Variants in HAAO observed in about 807,000 individuals in gnomAD.
HAAO encodes the protein 3-hydroxyanthranilate 3,4-dioxygenase, also known as 3-hydroxyanthranilate oxygenase.
Under a neutral mutation model 46.2 loss-of-function variants are expected in HAAO, and 49 were observed. That is an observed-to-expected ratio of 1.06 (90% CI 0.84 to 1.34). The LOEUF is 1.34. Ranked by LOEUF, HAAO falls within the 40% of genes most tolerant of loss-of-function variation. The probability of loss-of-function intolerance (pLI) is 0.00; values close to 1 mark genes in which losing one functional copy is unlikely to be tolerated. For synonymous variants in HAAO, 157 were observed against 145.2 expected, an observed-to-expected ratio of 1.08 and a Z score of -0.58; for missense variants, 408 against 364.5, an observed-to-expected ratio of 1.12 and a Z score of -0.97.
chr2:42,784,620 AGAG>A (rs1348187278), intron 2 of HAAO, among the ~76,000 whole-genome samples: 3 of 151,876 alleles, frequency 2.0e-5, no homozygotes, highest in Non-Finnish European at 4.4e-5. Context: ...ACTGGGAGGA[AGAG>A]GAGGAGGCAG....
At chr2:42,776,826 G>T (rs1236863371) in intron 4 of HAAO, among the ~76,000 whole-genome samples, 2 of 149,794 alleles carry the variant, frequency 1.3e-5, no homozygotes, top group Admixed American at 1.3e-4. Context: ...TAGAGACGGG[G>T]TTTCACTATC....
intron 4 of HAAO, 54 bp from the exon 5 acceptor site, chr2:42,770,636 G>T: frequency 8.4e-7 from 1 of 1,189,070 alleles, no homozygotes; most frequent in Non-Finnish European, 1.2e-6. Flanking sequence ...TGGCTTCAGG[G>T]CAGCCCCACT....
intron 4 of HAAO, among the ~76,000 whole-genome samples, chr2:42,773,546 G>A (rs1397647657): frequency 6.6e-6 from 1 of 150,590 alleles, no homozygotes; most frequent in Non-Finnish European, 1.5e-5. Context: ...TAAGGGAAAT[G>A]TCAAGCTGAG....
At chr2:42,767,791 C>G in intron 8 of HAAO, 69 bp downstream of exon 8, 1 of 1,575,824 alleles carries the variant, frequency 6.3e-7, no homozygotes, top group Non-Finnish European at 8.7e-7. Context: ...TGTGGGAGCC[C>G]AGGGCCGAGG....
At chr2:42,767,814 C>G (rs773785112) in intron 8 of HAAO, 46 bp downstream of exon 8, 1 of 1,593,868 alleles carries the variant, frequency 6.3e-7, no homozygotes, top group East Asian at 2.2e-5. Flanking sequence ...CGGGCTGATG[C>G]CCTCTGGCAG....
chr2:42,784,169 C>T (rs1242826385), intron 2 of HAAO, among the ~76,000 whole-genome samples: 2 of 152,292 alleles, frequency 1.3e-5, no homozygotes, highest in East Asian at 3.9e-4. Context: ...ACTGAATGAC[C>T]CAGCAGTCAG....
chr2:42,777,300 T>C, intron 4 of HAAO, among the ~76,000 whole-genome samples: 1 of 79,094 alleles, frequency 1.3e-5, no homozygotes, highest in East Asian at 3.0e-4. Flanking sequence ...AAGACTCTTA[T>C]CGCAAAAAAA....
Position 42,770,494 on chromosome 2 carries a change from C to A in HAAO, c.439G>T (p.Glu147Ter). 1 of 1,547,758 alleles carries A rather than the reference C, an allele frequency of 6.5e-7. No homozygotes were observed. The highest frequency in any genetic ancestry group is 8.7e-7 in the Non-Finnish European group (1 of 1,144,120). Reference sequence around the variant, plus strand: ...GCAGGGGCTGGGCTGGGGGCTCACTCCTGGATGATGGGGGCCAACTGCGTG... The same window carrying A: ...GCAGGGGCTGGGCTGGGGGCTCACTACTGGATGATGGGGGCCAACTGCGTG... ...LGTQLAPIIQ[E>*]FFSSEQYRTG... is the part of the protein sequence containing the mutation. The change falls in exon 5 of 10, where the codon GAG (glutamate) becomes TAG (stop). Residue 147 changes from glutamate to a stop codon, truncating the protein, a stop_gained and splice_region_variant. Coordinates refer to ENST00000294973, the MANE Select transcript of HAAO (RefSeq NM_012205.3). LOFTEE classifies it high-confidence loss of function.
intron 7 of HAAO, 119 bp downstream of exon 7, chr2:42,769,594 T>TGA: frequency 3.0e-6 from 2 of 673,902 alleles, no homozygotes; most frequent in African/African-American, 2.6e-5. Context: ...TGTGTGTGTG[T>TGA]GTGTGTGTGT....
intron 4 of HAAO, among the ~76,000 whole-genome samples, chr2:42,774,717 T>C (rs1399207700): frequency 6.6e-6 from 1 of 152,186 alleles, no homozygotes; most frequent in Non-Finnish European, 1.5e-5. Flanking sequence ...CAGGTGCTCT[T>C]AATTTCTCCT....
chr2:42,775,165 T>A (rs534941766), intron 4 of HAAO, among the ~76,000 whole-genome samples: 2 of 148,308 alleles, frequency 1.3e-5, no homozygotes, highest in East Asian at 4.0e-4. Flanking sequence ...GAGAATTGCT[T>A]GAACCCAGGA....
chr2:42,773,850 G>A (rs868328095), intron 4 of HAAO, among the ~76,000 whole-genome samples: 2 of 152,054 alleles, frequency 1.3e-5, no homozygotes, highest in Middle Eastern at 3.2e-3. Flanking sequence ...TCGGCCTCCC[G>A]AAGTGCTGGG....
At chr2:42,778,921 T>C (rs1012667896) in intron 4 of HAAO, among the ~76,000 whole-genome samples, 2 of 152,012 alleles carry the variant, frequency 1.3e-5, no homozygotes, top group Non-Finnish European at 2.9e-5. Context: ...CGAGACCAGC[T>C]TGACTAACAT....
At position 42,767,264 on chromosome 2, in the gene HAAO, C is replaced by T; in HGVS notation, c.*173G>A. ...TGGGGAGCTGCTGCCCGCCCAGGGG[C>T]ATGGCATCTGGGCTGAGAAGGGCAG... On this transcript the variant is annotated 3_prime_UTR_variant, in exon 10 of 10. Transcript: ENST00000294973. The T allele has an allele frequency of 1.6e-6, 1 of 629,272 alleles. No homozygotes were observed. Among genetic ancestry groups the T allele is most frequent in the South Asian group, 1.8e-5 (1 of 55,928 alleles). 39.0% of individuals were successfully genotyped at this position (629,272 alleles called of 1,614,324 possible).
chr2:42,773,476 C>T (rs1671302419), intron 4 of HAAO, among the ~76,000 whole-genome samples: 1 of 152,062 alleles, frequency 6.6e-6, no homozygotes, highest in Non-Finnish European at 1.5e-5. Flanking sequence ...CTTTCCACAT[C>T]TCACCCCTCC....
intron 4 of HAAO, among the ~76,000 whole-genome samples, chr2:42,780,911 C>CAA (rs35424652): frequency 7.7e-6 from 1 of 130,326 alleles, no homozygotes. Flanking sequence ...ACTAAAAATA[C>CAA]AAAAAAAAAA....
chr2:42,776,033 T>A (rs572311038), intron 4 of HAAO, among the ~76,000 whole-genome samples: 31 of 152,018 alleles, frequency 2.0e-4, no homozygotes, highest in African/African-American at 6.0e-4. Flanking sequence ...AAACTTTTTT[T>A]AAAGTGCACT....
At chr2:42,779,464 G>A (rs761905348) in intron 4 of HAAO, among the ~76,000 whole-genome samples, 20 of 152,126 alleles carry the variant, frequency 1.3e-4, no homozygotes, top group South Asian at 2.1e-4. Context: ...TGGGATTACA[G>A]GTGCACACCA....
intron 4 of HAAO, among the ~76,000 whole-genome samples, chr2:42,780,211 A>ATTTT (rs58338551): frequency 0.2 from 27,308 of 137,564 alleles, 2,918 homozygotes; most frequent in Non-Finnish European, 0.25. Flanking sequence ...TTTTTTTTTA[A>ATTTT]TTTTTTTTTT....
Sources: gnomAD v4.1 joint callset for allele counts (sites outside exome capture counted in the v4.1 genomes callset) on GRCh38, gnomAD v4.1.1 for gene constraint, MANE v1.5 for transcripts, NCBI Gene and HGNC (gene_info 2026-07-23, HGNC 2026-07-21) for gene names.